Variants in NFIC observed in about 807,000 individuals in gnomAD.
NFIC encodes the protein nuclear factor I C.
Under a neutral mutation model 54.4 loss-of-function variants are expected in NFIC, and 12 were observed. That is an observed-to-expected ratio of 0.22 (90% confidence interval 0.14 to 0.36). The LOEUF (loss-of-function observed/expected upper bound fraction) is 0.36, where lower values mean the gene tolerates loss of function less well. NFIC is among the 10% of genes least tolerant of loss of function. NFIC has a pLI of 1.00. For missense variants in NFIC, 575 were observed against 718.2 expected (o/e 0.80, Z 2.28); for synonymous variants, 322 against 319.2 (o/e 1.01, Z -0.09).
At chr19:3,366,704 G>A (rs1441262454) in intron 1 of NFIC, 38 bp downstream of exon 1, 7 of 1,267,538 alleles carry the variant, frequency 5.5e-6, no homozygotes, top group Non-Finnish European at 4.1e-6. Flanking sequence ...GCGCCCCCGC[G>A]CCCCCCGCAT....
In NFIC at chr19:3,425,213, G is replaced by A. The variant is rs775928191; in HGVS notation, c.634+36G>A. ...GGGCAGCGTGGCGGTGAAGGGCGGA[G>A]GGCGCAGCCCTGTCCTCGTCTTTTA... On this transcript the variant is annotated intron_variant, in intron 3 of 10. Coordinates refer to ENST00000443272, the MANE Select transcript of NFIC (RefSeq NM_001245002.2). 5 of 1,591,770 alleles carry A rather than the reference G, an allele frequency of 3.1e-6. No individual in the cohort carries two copies. The African/African-American group carries it at 5.4e-5, about 17-fold the overall frequency.
upstream of NFIC, among the ~76,000 whole-genome samples, chr19:3,363,626 A>G (rs1011300763): frequency 2.0e-5 from 3 of 152,150 alleles, no homozygotes; most frequent in Non-Finnish European, 4.4e-5. Context: ...TGTAAAGGAT[A>G]CTATGTATAT....
intron 6 of NFIC, among the ~76,000 whole-genome samples, chr19:3,440,132 TG>T (rs1463390744): frequency 6.6e-6 from 1 of 152,092 alleles, no homozygotes; most frequent in Non-Finnish European, 1.5e-5. Flanking sequence ...GCAGGGAAGA[TG>T]ATGGGAGGGC....
chr19:3,417,942 C>CTTTTTCTTTTCTTCCGGTTTTTCA (rs56388025), intron 2 of NFIC, among the ~76,000 whole-genome samples: 1 of 150,596 alleles, frequency 6.6e-6, no homozygotes, highest in African/African-American at 2.4e-5. Context: ...CCGGCCACCT[C>CTTTTTCTTTTCTTCCGGTTTTTCA]TGGAAGCAGC....
At position 3,453,212 on chromosome 19, in the gene NFIC, C is replaced by G. The variant is rs1263660275; in HGVS notation, c.1269+546C>G. Among the ~76,000 whole-genome samples, 2 of 152,132 alleles carry G rather than the reference C, an allele frequency of 1.3e-5. No homozygotes were observed. Among genetic ancestry groups the G allele is most frequent in the Non-Finnish European group, 2.9e-5 (2 of 68,038 alleles). On this transcript the variant is annotated intron_variant, in intron 8 of 10. Transcript: ENST00000443272. The surrounding 1 kb of genome is among the most constrained non-coding windows in gnomAD (Gnocchi z 6.7). ...TGTGATTGTGCCACTGCACCCCAGC[C>G]TGGGTGACAGAACGAGACCCTGTCT...
At chr19:3,443,418 A>G (rs527777159) in intron 6 of NFIC, among the ~76,000 whole-genome samples, 64 of 151,170 alleles carry the variant, frequency 4.2e-4, no homozygotes, top group Middle Eastern at 6.8e-3. Flanking sequence ...GTGAGACCCT[A>G]TCTCAAAAAA....
Position 3,435,253 on chromosome 19 carries a change from C to G in NFIC, c.958+46C>G, listed in dbSNP as rs747631422. 26 of 1,512,348 alleles carry G rather than the reference C, an allele frequency of 1.7e-5. No homozygotes were observed. In the East Asian group the frequency reaches 1.7e-4, roughly 10 times the overall value. 93.7% of individuals were successfully genotyped at this position (1,512,348 alleles called of 1,614,324 possible). The stretch of plus-strand genomic sequence containing the variant: ...GGAGCCGGCCTTCCGGTCTGAGTCA[C>G]CGTGGCGGGAACTACGTCTTCCGGC... On this transcript the variant is annotated intron_variant, in intron 6 of 10. Coordinates refer to ENST00000443272, the MANE Select transcript of NFIC (RefSeq NM_001245002.2).
At chr19:3,390,925 G>T (rs1002320588) in intron 2 of NFIC, among the ~76,000 whole-genome samples, 1 of 152,072 alleles carries the variant, frequency 6.6e-6, no homozygotes. Context: ...AGATGAGAAG[G>T]TTCTGGAGAG....
intron 10 of NFIC, 129 bp downstream of exon 10, chr19:3,456,764 C>T (rs2082565218): frequency 9.8e-6 from 9 of 917,352 alleles, no homozygotes; most frequent in Non-Finnish European, 1.0e-5. Context: ...CAGCCTCCCA[C>T]ACCCCACCTG....
chr19:3,442,798 GC>G (rs1228855156), intron 6 of NFIC, among the ~76,000 whole-genome samples: 4 of 152,192 alleles, frequency 2.6e-5, no homozygotes, highest in African/African-American at 9.7e-5. Context: ...ATGGCCTTAG[GC>G]GAGTGACGTC....
intron 3 of NFIC, 52 bp downstream of exon 3, chr19:3,425,229 T>C: frequency 6.5e-7 from 1 of 1,536,770 alleles, no homozygotes; most frequent in Non-Finnish European, 8.8e-7. Context: ...AGCCCTGTCC[T>C]CGTCTTTTAT....
intron 6 of NFIC, among the ~76,000 whole-genome samples, chr19:3,436,777 C>T (rs922036883): frequency 6.6e-6 from 1 of 152,026 alleles, no homozygotes; most frequent in Admixed American, 6.6e-5. Context: ...TCCCGGCCAC[C>T]TGTAGGATTT....
chr19:3,453,391 C>T lies in NFIC; in HGVS notation c.1270-372C>T, dbSNP rs540168758. 3.7e-4 allele frequency among the ~76,000 whole-genome samples: 57 copies of T among 152,226 alleles called. No homozygotes were observed. The highest frequency in any genetic ancestry group is 1.9e-4 in the East Asian group (1 of 5,186). ...CGGACTTTGGAACCACGGGCCAGGC[C>T]GTGGATGATGGTGGATGATGGCGTG... On this transcript the variant is annotated intron_variant, in intron 8 of 10. Coordinates refer to ENST00000443272, the MANE Select transcript of NFIC (RefSeq NM_001245002.2). This position sits in a 1 kb window ranked among gnomAD's most constrained non-coding sequence, Gnocchi z 6.7.
At chr19:3,406,631 C>T (rs2081653676) in intron 2 of NFIC, among the ~76,000 whole-genome samples, 1 of 152,138 alleles carries the variant, frequency 6.6e-6, no homozygotes, top group Admixed American at 6.6e-5. Context: ...ACAGTTTTCT[C>T]CTGAGGCTGG....
Position 3,434,377 on chromosome 19 carries a change from G to A in NFIC, c.810G>A (p.Thr270=), listed in dbSNP as rs922657654. The A allele has an allele frequency of 1.8e-5, 29 of 1,611,100 alleles. 1 individual carries two copies. The highest frequency in any genetic ancestry group is 6.7e-5 in the Admixed American group (4 of 59,556). The part of the protein sequence containing the change: ...LNPASTGLRR[T]LPSTSSSGSK... The stretch of plus-strand genomic sequence containing the variant: ...CAGCCAGCACTGGCCTCAGAAGAAC[G>A]CTGCCCAGCACCTCCTCCAGTGGGT... The change falls in exon 5 of 11, where the codon ACG becomes ACA. Residue 270 remains threonine, a synonymous_variant. Transcript: ENST00000443272.
intron 2 of NFIC, among the ~76,000 whole-genome samples, chr19:3,392,994 A>G (rs1244256368): frequency 3.3e-5 from 5 of 152,080 alleles, no homozygotes; most frequent in Non-Finnish European, 7.4e-5. Context: ...AGGCTGGAGT[A>G]CAGTGGCGCG....
intron 7 of NFIC, among the ~76,000 whole-genome samples, chr19:3,450,766 T>A (rs2082450107): frequency 6.6e-6 from 1 of 152,232 alleles, no homozygotes; most frequent in Non-Finnish European, 1.5e-5. Flanking sequence ...CATGTTCTAG[T>A]GATCAACTAT....
At chr19:3,439,930 T>C (rs555198780) in intron 6 of NFIC, among the ~76,000 whole-genome samples, 16 of 151,628 alleles carry the variant, frequency 1.1e-4, no homozygotes, top group Non-Finnish European at 2.1e-4. Context: ...CTTCGTGATC[T>C]GCCCGCCTCG....
At chr19:3,385,570 GTTGT>G (rs1370144651) in intron 2 of NFIC, among the ~76,000 whole-genome samples, 5,067 of 135,524 alleles carry the variant, frequency 0.037, 79 homozygotes, top group Middle Eastern at 0.053. Flanking sequence ...TTTGGTTGTT[GTTGT>G]TTTTTTTTTT....
Sources: allele counts gnomAD v4.1 joint callset (sites outside exome capture counted in the v4.1 genomes callset), GRCh38; gene constraint gnomAD v4.1.1; non-coding constraint Gnocchi (gnomAD v3.1); transcripts MANE v1.5; gene names NCBI Gene and HGNC (gene_info 2026-07-23, HGNC 2026-07-21).